FAM83B: variants seen among roughly 807,000 people sequenced by gnomAD.
FAM83B encodes the protein protein FAM83B.
Under a neutral mutation model 38.8 loss-of-function variants are expected in FAM83B, and 26 were observed. The ratio of observed to expected loss-of-function variants is 0.67; its 90% CI spans 0.49 to 0.93. The LOEUF is 0.93. Among genes scored for constraint, FAM83B ranks in the 40% least tolerant of loss-of-function variants. The pLI, the probability that FAM83B is intolerant of heterozygous loss-of-function variation, is 0.00. For missense variants in FAM83B, 1,237 were observed against 1,197.3 expected (o/e 1.03, Z -0.49); for synonymous variants, 419 against 423.1 (o/e 0.99, Z 0.12).
rs780098848 is a variant in FAM83B at position 54,941,441 on chromosome 6, G to A, written c.2470G>A (p.Val824Ile). The A allele has an allele frequency of 6.2e-7, 1 of 1,613,112 alleles. No individual in the cohort carries two copies. The highest frequency in any genetic ancestry group is 8.5e-7 in the Non-Finnish European group (1 of 1,179,802). ...NQKPKKSDTK[V>I]DSSPRRKHSS... ...AAAACCAAAGAAATCAGACACAAAA[G>A]TTGATTCATCTCCTAGAAGAAAGCA... Residue 824 changes from valine to isoleucine, a missense_variant, in exon 5 of 5, where the codon GTT becomes ATT. Transcript: ENST00000306858.
rs539694093 is a variant in FAM83B at position 54,918,081 on chromosome 6, GA to G, written c.445-8286del. Among the ~76,000 whole-genome samples, 90 of 152,122 alleles carry G rather than the reference GA, an allele frequency of 5.9e-4. 1 individual carries two copies. The highest frequency in any genetic ancestry group is 2.0e-3 in the African/African-American group (84 of 41,514). ...TTCAATAATAAAATTGAGAATGAAG[GA>G]AAATAGTCATATATAAATATTGTAT... On this transcript the variant is annotated intron_variant, in intron 2 of 4. Coordinates refer to ENST00000306858, the MANE Select transcript of FAM83B (RefSeq NM_001010872.3).
intron 2 of FAM83B, among the ~76,000 whole-genome samples, chr6:54,883,709 T>G (rs1312323996): frequency 6.6e-6 from 1 of 152,192 alleles, no homozygotes; most frequent in East Asian, 1.9e-4. Context: ...ATGAATTATT[T>G]GTCAGACACA....
chr6:54,926,547 GTT>G lies in FAM83B; in HGVS notation c.609+21_609+22del. The G allele has an allele frequency of 7.3e-7, 1 of 1,370,620 alleles. No individual in the cohort carries two copies. The highest frequency in any genetic ancestry group is 1.6e-5 in the South Asian group (1 of 63,744). 84.9% of individuals were successfully genotyped at this position (1,370,620 alleles called of 1,614,324 possible). On this transcript the variant is annotated intron_variant, in intron 3 of 4. Coordinates refer to ENST00000306858, the MANE Select transcript of FAM83B (RefSeq NM_001010872.3). ...TTCAGCGTCTCAGGGTAAGAATTCT[GTT>G]TTTTTTTTCCTCAAGTATTTTATGT...
At chr6:54,933,045 T>C (rs899206459) in intron 4 of FAM83B, among the ~76,000 whole-genome samples, 1 of 152,154 alleles carries the variant, frequency 6.6e-6, no homozygotes, top group Non-Finnish European at 1.5e-5. Flanking sequence ...AGTTATCTGC[T>C]TCTTTGCCTC....
intron 2 of FAM83B, among the ~76,000 whole-genome samples, chr6:54,904,642 T>C (rs901463533): frequency 2.0e-5 from 3 of 152,156 alleles, no homozygotes; most frequent in African/African-American, 7.2e-5. Context: ...GTACCAAAGA[T>C]GTTCTGACTG....
In FAM83B at chr6:54,943,400, A is replaced by G. The variant is rs1202471572; in HGVS notation, c.*1393A>G. 3.3e-5 allele frequency: 5 copies of G among 152,232 alleles called. No homozygotes were observed. The highest frequency in any genetic ancestry group is 5.9e-5 in the Non-Finnish European group (4 of 68,036). The allele number at this position is 152,232 out of a possible 1,614,324, so 9.4% of individuals were successfully genotyped here. A position where few individuals can be genotyped will look rare whatever the true frequency, so the allele number is the denominator to read the frequency against. ...TGACTTTGCTTCATTCACAAAGAAC[A>G]GAGTTCAAGAAGCAGTGCATCCTGT... On this transcript the variant is annotated 3_prime_UTR_variant, in exon 5 of 5. Coordinates refer to ENST00000306858, the MANE Select transcript of FAM83B (RefSeq NM_001010872.3).
In FAM83B at chr6:54,941,500, C is replaced by T. The variant is rs765015817; in HGVS notation, c.2529C>T (p.His843=). ...SSSSNSQGSI[H]KSKEDVTVSP... is the part of the protein sequence containing the mutation. Reference sequence around the variant, plus strand: ...CATCGAATTCTCAAGGCAGCATCCACAAGAGTAAGGAAGATGTAACAGTTA... The same window carrying T: ...CATCGAATTCTCAAGGCAGCATCCATAAGAGTAAGGAAGATGTAACAGTTA... The change falls in exon 5 of 5, where the codon CAC becomes CAT. Residue 843 remains histidine, a synonymous_variant. Transcript: ENST00000306858. 8 of 1,613,898 alleles carry T rather than the reference C, an allele frequency of 5.0e-6. No homozygotes were observed. The highest frequency in any genetic ancestry group is 6.8e-6 in the Non-Finnish European group (8 of 1,179,994).
intron 2 of FAM83B, among the ~76,000 whole-genome samples, chr6:54,909,547 G>T (rs1772858540): frequency 6.6e-6 from 1 of 152,082 alleles, no homozygotes; most frequent in Non-Finnish European, 1.5e-5. Flanking sequence ...ATATTTATTT[G>T]CATGTTTAGT....
intron 1 of FAM83B, among the ~76,000 whole-genome samples, chr6:54,858,908 G>A (rs1007749802): frequency 2.0e-4 from 30 of 151,894 alleles, no homozygotes; most frequent in Admixed American, 1.4e-3. Flanking sequence ...AGTACTCAGC[G>A]CATTTCTGGT....
chr6:54,904,177 CTCTT>C (rs567298246), intron 2 of FAM83B, among the ~76,000 whole-genome samples: 3 of 152,090 alleles, frequency 2.0e-5, no homozygotes, highest in Non-Finnish European at 4.4e-5. Flanking sequence ...AAATGAAAGA[CTCTT>C]TCTCTCCTGA....
At position 54,861,380 on chromosome 6, in the gene FAM83B, C is replaced by A. The variant is rs9370331; in HGVS notation, c.-60-8807C>A. On this transcript the variant is annotated intron_variant, in intron 1 of 4. Transcript: ENST00000306858. The stretch of plus-strand genomic sequence containing the variant: ...GACCAGCCTGGCCAACATGGCAAAA[C>A]CCTGGCTCTACCAAAAATACAAAAA... Among the ~76,000 whole-genome samples the A allele has an allele frequency of 3.7e-3, 565 of 152,150 alleles. 5 individuals are homozygous for A. Among genetic ancestry groups the A allele is most frequent in the African/African-American group, 0.013 (535 of 41,502 alleles).
intron 1 of FAM83B, among the ~76,000 whole-genome samples, chr6:54,865,803 T>G (rs1771686304): frequency 6.6e-6 from 1 of 152,148 alleles, no homozygotes. Flanking sequence ...AAACTGATAC[T>G]AGGTTTGGTT....
rs578022100 is a variant in FAM83B at position 54,872,613 on chromosome 6, A to G, written c.444+1923A>G. Among the ~76,000 whole-genome samples, 17 of 152,344 alleles carry G rather than the reference A, an allele frequency of 1.1e-4. No homozygotes were observed. In the South Asian group the frequency reaches 1.2e-3, roughly 11 times the overall value. ...ACAAAATGTTAATTCAGGAGATATCATAAGTTTTTGGGCTAGCACCCACTG... is the reference window on the plus strand; with the variant it reads ...ACAAAATGTTAATTCAGGAGATATCGTAAGTTTTTGGGCTAGCACCCACTG... On this transcript the variant is annotated intron_variant, in intron 2 of 4. Transcript: ENST00000306858.
chr6:54,919,968 C>T (rs1304221376), intron 2 of FAM83B, among the ~76,000 whole-genome samples: 2 of 151,728 alleles, frequency 1.3e-5, no homozygotes, highest in African/African-American at 2.4e-5. Flanking sequence ...CAGACCAAAC[C>T]AGTAGATATA....
chr6:54,903,148 ATTTTTATC>A (rs1772700218), intron 2 of FAM83B, among the ~76,000 whole-genome samples: 1 of 152,126 alleles, frequency 6.6e-6, no homozygotes, highest in Admixed American at 6.5e-5. Context: ...AACTTGACTT[ATTTTTATC>A]ATTGTTTTCC....
intron 1 of FAM83B, among the ~76,000 whole-genome samples, chr6:54,869,746 A>G (rs570724215): frequency 6.6e-6 from 1 of 152,264 alleles, no homozygotes; most frequent in African/African-American, 2.4e-5. Context: ...GCCTTTAGCA[A>G]TGTATGGCTT....
intron 2 of FAM83B, among the ~76,000 whole-genome samples, chr6:54,902,517 C>T (rs1049662712): frequency 2.0e-5 from 3 of 152,138 alleles, no homozygotes; most frequent in African/African-American, 7.2e-5. Flanking sequence ...TTATGATCAT[C>T]GTCTTTGTGG....
intron 2 of FAM83B, among the ~76,000 whole-genome samples, chr6:54,908,681 G>A (rs1772831577): frequency 6.6e-6 from 1 of 152,168 alleles, no homozygotes; most frequent in South Asian, 2.1e-4. Context: ...CCAAATGGCA[G>A]TAACATGGAA....
intron 2 of FAM83B, among the ~76,000 whole-genome samples, chr6:54,923,286 T>C (rs1773213361): frequency 6.6e-6 from 1 of 152,154 alleles, no homozygotes; most frequent in Non-Finnish European, 1.5e-5. Context: ...TTATCCTACC[T>C]TCATTTCACT....
Sources: allele counts gnomAD v4.1 joint callset (sites outside exome capture counted in the v4.1 genomes callset), GRCh38; gene constraint gnomAD v4.1.1; transcripts MANE v1.5; gene names NCBI Gene and HGNC (gene_info 2026-07-23, HGNC 2026-07-21).